The following THADA variants were observed in gnomAD, a reference collection of about 807,000 sequenced individuals.
THADA encodes THADA armadillo repeat containing, also known as tRNA (32-2'-O)-methyltransferase regulator THADA.
A neutral mutation model predicts 219.8 loss-of-function variants in THADA; 213 were observed. The observed-to-expected ratio is 0.97, with a 90% CI of 0.87 to 1.09. THADA has a LOEUF of 1.09. THADA is among the 50% of genes least tolerant of loss of function. The pLI, the probability that THADA is intolerant of heterozygous loss-of-function variation, is 0.00. For synonymous variants in THADA, 1,018 were observed against 828.9 expected, an observed-to-expected ratio of 1.23 and a Z score of -3.92; for missense variants, 2,956 against 2,311.3, an observed-to-expected ratio of 1.28 and a Z score of -5.72.
chr2:43,541,342 T>C, intron 20 of THADA, 26 bp from the exon 21 acceptor site: 1 of 1,610,174 alleles, frequency 6.2e-7, no homozygotes, highest in Non-Finnish European at 8.5e-7. Context: ...ACACAACGAT[T>C]GCAACCTTGA....
At chr2:43,421,625 T>C (rs1350389316) in intron 28 of THADA, among the ~76,000 whole-genome samples, 2 of 152,238 alleles carry the variant, frequency 1.3e-5, no homozygotes, top group African/African-American at 4.8e-5. Context: ...AAGACTCAGA[T>C]GTTCTTTTGC....
chr2:43,445,241 G>A (rs550027756), intron 26 of THADA, among the ~76,000 whole-genome samples: 56 of 152,134 alleles, frequency 3.7e-4, no homozygotes, highest in Non-Finnish European at 6.6e-4. Flanking sequence ...GCATGCACAT[G>A]CGTTTCAAAG....
chr2:43,541,628 C>T (rs1695333261), intron 20 of THADA, among the ~76,000 whole-genome samples: 1 of 151,998 alleles, frequency 6.6e-6, no homozygotes, highest in Non-Finnish European at 1.5e-5. Context: ...TCTACTTCAG[C>T]CTCCCTAGTA....
At chr2:43,394,294 G>A (rs927478102) in intron 29 of THADA, among the ~76,000 whole-genome samples, 1 of 152,120 alleles carries the variant, frequency 6.6e-6, no homozygotes, top group Admixed American at 6.5e-5. Flanking sequence ...GCTATAATTT[G>A]AGTCTTTCTT....
At chr2:43,489,181 A>AT (rs926238423) in intron 25 of THADA, among the ~76,000 whole-genome samples, 9 of 152,038 alleles carry the variant, frequency 5.9e-5, no homozygotes, top group East Asian at 1.9e-4. Context: ...TTTAAAAAAA[A>AT]TTTTTTTTAA....
chr2:43,353,311 C>A (rs932964322), intron 29 of THADA, among the ~76,000 whole-genome samples: 2 of 151,674 alleles, frequency 1.3e-5, no homozygotes, highest in Non-Finnish European at 2.9e-5. Context: ...TGCAAGGGTT[C>A]CCTTTTCTGC....
chr2:43,245,762 T>C (rs1333549756), intron 36 of THADA, among the ~76,000 whole-genome samples: 1 of 152,236 alleles, frequency 6.6e-6, no homozygotes, highest in African/African-American at 2.4e-5. Flanking sequence ...GAAAGGGGAC[T>C]GCTTGGCTCC....
At position 43,242,840 on chromosome 2, in the gene THADA, C is replaced by CATGG. The variant is rs200333539; in HGVS notation, c.5297-9962_5297-9959dup. Reference sequence around the variant, plus strand: ...CTAAGCTGCTCATAAGTACTGAATACATGGATGGATGGATGGATGAACAGA... The same window carrying CATGG: ...CTAAGCTGCTCATAAGTACTGAATACATGGATGGATGGATGGATGGATGAACAGA... On this transcript the variant is annotated intron_variant, in intron 36 of 37. Transcript: ENST00000405975. 8.1e-3 allele frequency among the ~76,000 whole-genome samples: 1,237 copies of CATGG among 152,244 alleles called. 18 individuals carry two copies. The highest frequency in any genetic ancestry group is 0.028 in the African/African-American group (1,152 of 41,530).
intron 19 of THADA, among the ~76,000 whole-genome samples, 200 bp downstream of exon 19, chr2:43,551,589 A>ATTTT (rs34513683): frequency 1.5e-5 from 2 of 135,140 alleles, no homozygotes; most frequent in African/African-American, 5.5e-5. Context: ...TGGTTTGGGA[A>ATTTT]TTTTTTTTTT....
intron 34 of THADA, among the ~76,000 whole-genome samples, chr2:43,290,982 A>T (rs1354329308): frequency 6.6e-6 from 1 of 152,076 alleles, no homozygotes; most frequent in Non-Finnish European, 1.5e-5. Flanking sequence ...AGCCTTAGCG[A>T]TGTATTTGCA....
At chr2:43,360,371 A>C (rs1280713132) in intron 29 of THADA, among the ~76,000 whole-genome samples, 1 of 152,230 alleles carries the variant, frequency 6.6e-6, no homozygotes, top group African/African-American at 2.4e-5. Context: ...GCAACAGTTA[A>C]CTCAACAGTG....
chr2:43,383,217 AT>A (rs1558670663), intron 29 of THADA, among the ~76,000 whole-genome samples: 2 of 152,192 alleles, frequency 1.3e-5, no homozygotes, highest in African/African-American at 4.8e-5. Context: ...GATTGACAGT[AT>A]CAAAATTGGT....
chr2:43,502,437 T>G (rs1015522082), intron 24 of THADA, among the ~76,000 whole-genome samples: 1 of 151,660 alleles, frequency 6.6e-6, no homozygotes, highest in African/African-American at 2.4e-5. Flanking sequence ...ATATAAAAAT[T>G]ATCAGGGCAT....
intron 28 of THADA, among the ~76,000 whole-genome samples, chr2:43,401,445 A>AT (rs1268465756): frequency 6.6e-5 from 10 of 151,952 alleles, no homozygotes; most frequent in Non-Finnish European, 1.3e-4. Flanking sequence ...CGCCCAGCTA[A>AT]TTTTTTTTAT....
At chr2:43,380,960 T>A (rs1346016441) in intron 29 of THADA, among the ~76,000 whole-genome samples, 1 of 151,868 alleles carries the variant, frequency 6.6e-6, no homozygotes, top group Non-Finnish European at 1.5e-5. Flanking sequence ...TAGCTGGGTA[T>A]GGTGGCACAT....
intron 36 of THADA, among the ~76,000 whole-genome samples, chr2:43,275,294 C>A (rs1033998483): frequency 6.6e-6 from 1 of 152,080 alleles, no homozygotes; most frequent in Non-Finnish European, 1.5e-5. Flanking sequence ...CGTGAGCCAC[C>A]GCACCTGGCC....
At chr2:43,479,554 A>C (rs1481935235) in intron 26 of THADA, among the ~76,000 whole-genome samples, 1 of 152,140 alleles carries the variant, frequency 6.6e-6, no homozygotes, top group Non-Finnish European at 1.5e-5. Context: ...AAGCCTCAAA[A>C]TCCTCTATCA....
At chr2:43,289,445 G>A (rs1213344221) in intron 34 of THADA, among the ~76,000 whole-genome samples, 1 of 152,154 alleles carries the variant, frequency 6.6e-6, no homozygotes, top group Non-Finnish European at 1.5e-5. Context: ...AGAAACTCAT[G>A]TTTCCCCAGG....
At chr2:43,479,133 T>G (rs780817982) in intron 26 of THADA, among the ~76,000 whole-genome samples, 1 of 152,242 alleles carries the variant, frequency 6.6e-6, no homozygotes, top group Non-Finnish European at 1.5e-5. Flanking sequence ...TTAATATTTA[T>G]AATCTTATGA....
Sources: allele counts gnomAD v4.1 joint callset (sites outside exome capture counted in the v4.1 genomes callset), GRCh38; gene constraint gnomAD v4.1.1; transcripts MANE v1.5; gene names NCBI Gene and HGNC (gene_info 2026-07-23, HGNC 2026-07-21).